KCNH1: variants seen among roughly 807,000 people sequenced by gnomAD.
KCNH1 encodes the protein potassium voltage-gated channel subfamily H member 1.
KCNH1 carries 27 observed loss-of-function variants against 69.2 expected under a neutral mutation model. The ratio of observed to expected loss-of-function variants is 0.39; its 90% CI spans 0.29 to 0.54. The LOEUF (loss-of-function observed/expected upper bound fraction) is 0.54, where lower values mean the gene tolerates loss of function less well. Among genes scored for constraint, KCNH1 ranks in the 20% least tolerant of loss-of-function variants. The pLI is 0.68. For synonymous variants in KCNH1, 456 were observed against 487.7 expected, an observed-to-expected ratio of 0.93 and a Z score of 0.86; for missense variants, 798 against 1,261.6, an observed-to-expected ratio of 0.63 and a Z score of 5.57.
rs1373990323 is a variant in KCNH1 at position 210,861,757 on chromosome 1, A to T, written c.1463-57591T>A. On this transcript the variant is annotated intron_variant, in intron 7 of 10. Transcript: ENST00000271751. ...GATAAAATGATCCTTTAGAACTGAC[A>T]GAAAATGCTGCATTGCTGCTACCAA... 8 of 774,196 alleles carry T rather than the reference A, an allele frequency of 1.0e-5. No homozygotes were observed. In the East Asian group the frequency reaches 1.9e-4, roughly 19 times the overall value. 48.0% of individuals were successfully genotyped at this position (774,196 alleles called of 1,614,324 possible).
At chr1:210,704,854 T>C (rs1681869107) in intron 10 of KCNH1, among the ~76,000 whole-genome samples, 1 of 152,170 alleles carries the variant, frequency 6.6e-6, no homozygotes, top group Admixed American at 6.5e-5. Context: ...AACTGGTCAA[T>C]ACCATTCCTC....
At chr1:210,962,198 C>T (rs1688307370) in intron 6 of KCNH1, among the ~76,000 whole-genome samples, 2 of 152,246 alleles carry the variant, frequency 1.3e-5, no homozygotes. Context: ...TGGACTCCCC[C>T]TCCCTATGGC....
At chr1:210,826,036 C>T (rs1685025567) in intron 7 of KCNH1, among the ~76,000 whole-genome samples, 1 of 152,074 alleles carries the variant, frequency 6.6e-6, no homozygotes. Flanking sequence ...TTTATGTCTG[C>T]TGAATCTAAT....
chr1:210,805,733 A>G (rs1298163210), intron 7 of KCNH1, among the ~76,000 whole-genome samples: 3 of 152,198 alleles, frequency 2.0e-5, no homozygotes, highest in Non-Finnish European at 2.9e-5. Flanking sequence ...CCCCATACCC[A>G]TTAACAATCA....
intron 7 of KCNH1, among the ~76,000 whole-genome samples, chr1:210,883,357 T>A (rs758251529): frequency 1.3e-5 from 2 of 152,210 alleles, no homozygotes; most frequent in East Asian, 1.9e-4. Context: ...TGGCCCTTGA[T>A]CACCAGAGGG....
intron 7 of KCNH1, among the ~76,000 whole-genome samples, chr1:210,838,286 G>A (rs531651229): frequency 1.3e-5 from 2 of 152,204 alleles, no homozygotes; most frequent in Admixed American, 1.3e-4. Context: ...GAACTGGCTA[G>A]GCATATGCAG....
At chr1:211,008,206 A>G (rs954265442) in intron 6 of KCNH1, among the ~76,000 whole-genome samples, 1 of 152,204 alleles carries the variant, frequency 6.6e-6, no homozygotes, top group Non-Finnish European at 1.5e-5. Context: ...CTCACAATGA[A>G]ATATCATTCA....
At chr1:210,808,596 A>C (rs1406242118) in intron 7 of KCNH1, among the ~76,000 whole-genome samples, 1 of 151,952 alleles carries the variant, frequency 6.6e-6, no homozygotes, top group Non-Finnish European at 1.5e-5. Context: ...TGTTCTCACA[A>C]TGTTGCCCAG....
chr1:210,753,976 G>A lies in KCNH1; in HGVS notation c.2112+21372C>T, dbSNP rs369115723. On this transcript the variant is annotated intron_variant, in intron 10 of 10. Coordinates refer to ENST00000271751, the MANE Select transcript of KCNH1 (RefSeq NM_172362.3). ...TTTGCCCAGGCTGGACTGCAGCGGC[G>A]CTATCTTGGCTCACTGCAAGCCCCG... is the stretch of plus-strand genomic sequence containing the variant. 6.2e-4 allele frequency among the ~76,000 whole-genome samples: 94 copies of A among 150,680 alleles called. 1 individual carries two copies. The highest frequency in any genetic ancestry group is 2.1e-3 in the African/African-American group (86 of 40,994).
At chr1:211,029,721 G>A (rs1689748520) in intron 5 of KCNH1, among the ~76,000 whole-genome samples, 1 of 151,986 alleles carries the variant, frequency 6.6e-6, no homozygotes, top group South Asian at 2.1e-4. Context: ...GGAAATAAAT[G>A]GCATCCAGAT....
chr1:210,807,841 T>C (rs1484561644), intron 7 of KCNH1, among the ~76,000 whole-genome samples: 2 of 152,064 alleles, frequency 1.3e-5, no homozygotes, highest in African/African-American at 4.8e-5. Context: ...TGACATACTA[T>C]GGGAGGCAAA....
At chr1:210,691,505 G>A (rs906555398) in intron 10 of KCNH1, among the ~76,000 whole-genome samples, 1 of 152,082 alleles carries the variant, frequency 6.6e-6, no homozygotes, top group African/African-American at 2.4e-5. Context: ...AGCCAAACCC[G>A]GGCAACCTGA....
intron 1 of KCNH1, among the ~76,000 whole-genome samples, chr1:211,121,042 A>G (rs1039371894): frequency 6.7e-6 from 1 of 149,818 alleles, no homozygotes; most frequent in Non-Finnish European, 1.5e-5. Context: ...ACACAAACAA[A>G]TGGAAAAAAA....
intron 10 of KCNH1, among the ~76,000 whole-genome samples, chr1:210,716,794 G>C (rs1307757752): frequency 6.6e-6 from 1 of 152,084 alleles, no homozygotes; most frequent in Non-Finnish European, 1.5e-5. Context: ...AGATCACTAG[G>C]GCTCTGCAAA....
chr1:210,765,522 A>G (rs1030333327), intron 10 of KCNH1, among the ~76,000 whole-genome samples: 4 of 152,212 alleles, frequency 2.6e-5, no homozygotes, highest in Non-Finnish European at 5.9e-5. Context: ...TGGCCTCAGC[A>G]CCTAAGTGAG....
chr1:211,129,698 T>A (rs1571670696), intron 1 of KCNH1, among the ~76,000 whole-genome samples: 2 of 152,234 alleles, frequency 1.3e-5, no homozygotes, highest in East Asian at 1.9e-4. Context: ...ACCAGTTTTC[T>A]GTTTTATAAA....
chr1:210,703,089 C>T (rs17016714), intron 10 of KCNH1, among the ~76,000 whole-genome samples: 2,966 of 152,068 alleles, frequency 0.02, 93 homozygotes, highest in Admixed American at 0.062. Flanking sequence ...ACCAGAAGCC[C>T]TTTCTAACTA....
chr1:210,861,021 TA>T, intron 7 of KCNH1: 2 of 1,063,412 alleles, frequency 1.9e-6, no homozygotes, highest in Non-Finnish European at 2.9e-6. Flanking sequence ...TTGGGTTCTG[TA>T]AGAATCTGGT....
At chr1:211,076,466 A>C (rs1327547740) in intron 5 of KCNH1, among the ~76,000 whole-genome samples, 1 of 152,262 alleles carries the variant, frequency 6.6e-6, no homozygotes, top group African/African-American at 2.4e-5. Context: ...CAGGCAAACA[A>C]GATCTGGAAT....
Sources: allele counts gnomAD v4.1 joint callset (sites outside exome capture counted in the v4.1 genomes callset), GRCh38; gene constraint gnomAD v4.1.1; transcripts MANE v1.5; gene names NCBI Gene and HGNC (gene_info 2026-07-23, HGNC 2026-07-21).